Variants in MAP3K20 observed in about 807,000 individuals in gnomAD.
MAP3K20 encodes the protein HCCS-4.
Under a neutral mutation model 85.7 loss-of-function variants are expected in MAP3K20, and 40 were observed. The ratio of observed to expected loss-of-function variants is 0.47; its 90% CI spans 0.36 to 0.61. The LOEUF (loss-of-function observed/expected upper bound fraction) is 0.61. Among genes scored for constraint, MAP3K20 ranks in the 20% least tolerant of loss-of-function variants. The pLI, the probability that MAP3K20 is intolerant of heterozygous loss-of-function variation, is 0.00. For synonymous variants in MAP3K20, 325 were observed against 327.7 expected (o/e 0.99, Z 0.09); for missense variants, 817 against 961.7 (o/e 0.85, Z 1.99).
intron 11 of MAP3K20, among the ~76,000 whole-genome samples, chr2:173,220,033 A>G (rs1017626992): frequency 6.9e-6 from 1 of 145,166 alleles, no homozygotes; most frequent in East Asian, 2.2e-4. Context: ...GTGCCACTGC[A>G]CTCCAGCCTG....
chr2:173,159,290 A>G (rs1416837440), intron 2 of MAP3K20, among the ~76,000 whole-genome samples: 1 of 147,696 alleles, frequency 6.8e-6, no homozygotes, highest in Non-Finnish European at 1.5e-5. Flanking sequence ...AGCCGACTGA[A>G]TTCTTGTCTG....
chr2:173,107,152 A>G (rs1328940818), intron 2 of MAP3K20, among the ~76,000 whole-genome samples: 2 of 152,214 alleles, frequency 1.3e-5, no homozygotes, highest in Non-Finnish European at 2.9e-5. Flanking sequence ...GAATGATGCA[A>G]TCTCATGACA....
chr2:173,252,642 A>T (rs1685065114), intron 16 of MAP3K20, among the ~76,000 whole-genome samples: 1 of 152,194 alleles, frequency 6.6e-6, no homozygotes, highest in South Asian at 2.1e-4. Flanking sequence ...ATCCTAGCAA[A>T]AGCACTTCCC....
At chr2:173,199,659 GTTGT>G (rs901037771) in intron 8 of MAP3K20, among the ~76,000 whole-genome samples, 4 of 120,102 alleles carry the variant, frequency 3.3e-5, no homozygotes, top group Non-Finnish European at 5.4e-5. Context: ...TAGGAGAAAG[GTTGT>G]TTTTTTTTTT....
At chr2:173,144,253 C>T (rs972209256) in intron 2 of MAP3K20, among the ~76,000 whole-genome samples, 12 of 151,948 alleles carry the variant, frequency 7.9e-5, no homozygotes, top group Middle Eastern at 3.4e-3. Flanking sequence ...CACAAGGTCA[C>T]GAGATCAAGA....
At chr2:173,096,177 A>C (rs16861272) in intron 2 of MAP3K20, among the ~76,000 whole-genome samples, 2,320 of 152,016 alleles carry the variant, frequency 0.015, 57 homozygotes, top group African/African-American at 0.053. Flanking sequence ...TGTTCCTAGA[A>C]TTCAGTATGT....
chr2:173,263,880 A>G lies in MAP3K20; in HGVS notation c.1687A>G (p.Ser563Gly). 1 of 1,610,556 alleles carries G rather than the reference A, an allele frequency of 6.2e-7. No homozygotes were observed. Residue 563 changes from serine to glycine, a missense_variant, in exon 19 of 20, where the codon AGC (serine) becomes GGC (glycine). Around this residue, in one of 4 missense-constraint regions of MAP3K20, gnomAD observed 454 missense variants for 476.9 expected, o/e 0.95. Coordinates refer to ENST00000375213, the MANE Select transcript of MAP3K20 (RefSeq NM_016653.3). ...LFTNSDGNPG[S>G]RSDSSADCQW... The stretch of plus-strand genomic sequence containing the variant: ...CACCAATTCAGATGGCAACCCTGGA[A>G]GCAGGTCCGACTCAAGTAAGTTAGT...
In MAP3K20 at chr2:173,190,883, T is replaced by C. The variant is rs1438515236; in HGVS notation, c.416-12T>C. On this transcript the variant is annotated splice_polypyrimidine_tract_variant and intron_variant, in intron 5 of 19. Transcript: ENST00000375213. ...GATGATTGTCATAATTTATCCTTTT[T>C]TCTTTTTTTAGTTGTTATAGCTGCT... 3 of 1,582,190 alleles carry C rather than the reference T, an allele frequency of 1.9e-6. No homozygotes were observed. The highest frequency in any genetic ancestry group is 3.5e-5 in the Admixed American group (2 of 57,630).
rs561824888 is a variant in MAP3K20 at position 173,117,331 on chromosome 2, T to C, written c.159+26141T>C. On this transcript the variant is annotated intron_variant, in intron 2 of 19. Coordinates refer to ENST00000375213, the MANE Select transcript of MAP3K20 (RefSeq NM_016653.3). ...TCTCACTCTGTTGCCCAGGCTGGAG[T>C]GCAGTGGCACAATCACGGCTCAATG... Among the ~76,000 whole-genome samples, 12 of 152,270 alleles carry C rather than the reference T, an allele frequency of 7.9e-5. No individual in the cohort carries two copies. The East Asian group carries it at 1.4e-3, about 17-fold the overall frequency.
At chr2:173,075,795 C>T (rs1686829441), upstream of MAP3K20, 9 of 985,478 alleles carry the variant, frequency 9.1e-6, no homozygotes, top group Non-Finnish European at 1.1e-5. Flanking sequence ...GGAGGGCGGC[C>T]CAGCCGTTTC....
chr2:173,078,867 T>C (rs797022281), intron 1 of MAP3K20, among the ~76,000 whole-genome samples: 2 of 152,206 alleles, frequency 1.3e-5, no homozygotes, highest in South Asian at 4.1e-4. Context: ...AACAATGATA[T>C]GACTTTGGAG....
intron 2 of MAP3K20, among the ~76,000 whole-genome samples, chr2:173,093,637 T>A (rs896959739): frequency 6.6e-6 from 1 of 152,166 alleles, no homozygotes; most frequent in Non-Finnish European, 1.5e-5. Flanking sequence ...TTTAAAAAAA[T>A]TTTTATATAC....
At chr2:173,177,088 C>T (rs984228246) in intron 3 of MAP3K20, among the ~76,000 whole-genome samples, 3 of 152,132 alleles carry the variant, frequency 2.0e-5, no homozygotes, top group African/African-American at 7.2e-5. Flanking sequence ...AGGCAATTCA[C>T]CAGTAACTGA....
chr2:173,145,023 G>T (rs1455236545), intron 2 of MAP3K20, among the ~76,000 whole-genome samples: 6 of 152,048 alleles, frequency 3.9e-5, no homozygotes, highest in African/African-American at 4.8e-5. Flanking sequence ...GGAGGAGTAG[G>T]ATATGCATAT....
chr2:173,253,510 C>T (rs1352580399), intron 16 of MAP3K20, among the ~76,000 whole-genome samples: 2 of 152,142 alleles, frequency 1.3e-5, no homozygotes, highest in South Asian at 2.1e-4. Context: ...CTAGTAATGA[C>T]TTAATGTATG....
intron 4 of MAP3K20, among the ~76,000 whole-genome samples, chr2:173,186,810 G>A (rs1690498800): frequency 1.3e-5 from 2 of 151,960 alleles, no homozygotes; most frequent in African/African-American, 4.8e-5. Context: ...TACTAAGGTG[G>A]TAACCATAAA....
intron 9 of MAP3K20, chr2:173,207,618 T>G (rs75496192): frequency 0.053 from 8,009 of 152,344 alleles, 326 homozygotes; most frequent in Middle Eastern, 0.12. Flanking sequence ...TCCTGTGTGA[T>G]GCTGGGCACT....
At chr2:173,080,471 G>A (rs905795437) in intron 1 of MAP3K20, among the ~76,000 whole-genome samples, 2 of 152,108 alleles carry the variant, frequency 1.3e-5, no homozygotes, top group Non-Finnish European at 2.9e-5. Flanking sequence ...GGCATCTGGC[G>A]AGAATCACCC....
chr2:173,195,062 A>G (rs936905664), intron 7 of MAP3K20, among the ~76,000 whole-genome samples: 16 of 152,008 alleles, frequency 1.1e-4, no homozygotes, highest in African/African-American at 3.1e-4. Context: ...AGATTTTTCT[A>G]CCCTCTTATG....
Sources: gnomAD v4.1 joint callset for allele counts (sites outside exome capture counted in the v4.1 genomes callset) on GRCh38, gnomAD v4.1.1 for gene constraint, gnomAD v4.1.1 regional missense constraint, MANE v1.5 for transcripts, NCBI Gene and HGNC (gene_info 2026-07-23, HGNC 2026-07-21) for gene names.